The following CNTNAP2 variants were observed in gnomAD, a reference collection of about 807,000 sequenced individuals.
The protein encoded by CNTNAP2 is contactin associated protein 2.
In CNTNAP2, 98 loss-of-function variants were observed where a neutral mutation model predicts 155.2. That is an observed-to-expected ratio of 0.63 (90% CI 0.54 to 0.75). The LOEUF (loss-of-function observed/expected upper bound fraction) is 0.75. Among genes scored for constraint, CNTNAP2 ranks in the 30% least tolerant of loss-of-function variants. The pLI, the probability that CNTNAP2 is intolerant of heterozygous loss-of-function variation, is 0.00. For missense variants in CNTNAP2, 1,727 were observed against 1,688.1 expected (o/e 1.02, Z -0.40); for synonymous variants, 651 against 631.2 (o/e 1.03, Z -0.47).
intron 1 of CNTNAP2, among the ~76,000 whole-genome samples, chr7:146,136,765 A>G (rs1797803941): frequency 6.6e-6 from 1 of 152,132 alleles, no homozygotes; most frequent in African/African-American, 2.4e-5. Flanking sequence ...ACTCACACTC[A>G]TTTAGGCTCT....
intron 1 of CNTNAP2, among the ~76,000 whole-genome samples, chr7:146,408,565 T>C (rs1795824281): frequency 7.3e-6 from 1 of 137,168 alleles, no homozygotes; most frequent in East Asian, 2.2e-4. Flanking sequence ...TAGGTGGCAA[T>C]TGAACAATGA....
At chr7:147,828,201 A>G (rs144136510) in intron 13 of CNTNAP2, among the ~76,000 whole-genome samples, 1,721 of 152,296 alleles carry the variant, frequency 0.011, 92 homozygotes, top group Admixed American at 0.09. Flanking sequence ...GTTCACTGCT[A>G]CTTACTATCT....
At chr7:147,416,914 C>T (rs1401619555) in intron 10 of CNTNAP2, among the ~76,000 whole-genome samples, 1 of 151,912 alleles carries the variant, frequency 6.6e-6, no homozygotes, top group African/African-American at 2.4e-5. Context: ...CATGGTGAAA[C>T]CCCATCTCTA....
intron 1 of CNTNAP2, among the ~76,000 whole-genome samples, chr7:146,475,172 T>C (rs1461188466): frequency 6.6e-6 from 1 of 152,256 alleles, no homozygotes; most frequent in African/African-American, 2.4e-5. Flanking sequence ...ATAACAAATT[T>C]ACATGATGAT....
In CNTNAP2 at chr7:146,765,090, A is replaced by G. The variant is rs540850972; in HGVS notation, c.98-9181A>G. ...GAAAATATTATATTAGGAACACCAA[A>G]GTCTTATGTTCTTTTTAAGACTAAA... On this transcript the variant is annotated intron_variant, in intron 1 of 23. Transcript: ENST00000361727. 2.0e-3 allele frequency among the ~76,000 whole-genome samples: 301 copies of G among 152,300 alleles called. 1 individual carries two copies. The highest frequency in any genetic ancestry group is 7.0e-3 in the African/African-American group (292 of 41,586).
intron 1 of CNTNAP2, among the ~76,000 whole-genome samples, chr7:146,386,354 A>C (rs1795461787): frequency 6.6e-6 from 1 of 152,134 alleles, no homozygotes; most frequent in South Asian, 2.1e-4. Context: ...GGAATACTGT[A>C]ACTTCACATT....
At chr7:147,815,842 G>C (rs555205208) in intron 13 of CNTNAP2, among the ~76,000 whole-genome samples, 2 of 152,166 alleles carry the variant, frequency 1.3e-5, no homozygotes, top group Admixed American at 1.3e-4. Context: ...AGGGCTCCGC[G>C]GGCTGCCTGT....
intron 1 of CNTNAP2, among the ~76,000 whole-genome samples, chr7:146,253,255 G>GT (rs1323465347): frequency 6.6e-6 from 1 of 152,038 alleles, no homozygotes; most frequent in Non-Finnish European, 1.5e-5. Context: ...TTCTCCACTT[G>GT]GAATGGCTTT....
intron 1 of CNTNAP2, among the ~76,000 whole-genome samples, chr7:146,131,505 T>C (rs1361778673): frequency 6.6e-6 from 1 of 152,228 alleles, no homozygotes; most frequent in Non-Finnish European, 1.5e-5. Context: ...CTTATTACAT[T>C]TGTGACTTCC....
chr7:147,415,392 A>G (rs1230408151), intron 10 of CNTNAP2, among the ~76,000 whole-genome samples: 2 of 152,184 alleles, frequency 1.3e-5, no homozygotes, highest in East Asian at 3.8e-4. Context: ...GTGTCAAGGG[A>G]GAGACCAGGT....
chr7:147,431,491 CT>C (rs1797465630), intron 10 of CNTNAP2, among the ~76,000 whole-genome samples: 1 of 152,164 alleles, frequency 6.6e-6, no homozygotes, highest in Non-Finnish European at 1.5e-5. Context: ...ACATGTGCCC[CT>C]ACAACCTCTG....
chr7:146,264,733 T>C (rs957633282), intron 1 of CNTNAP2, among the ~76,000 whole-genome samples: 2 of 152,226 alleles, frequency 1.3e-5, no homozygotes, highest in South Asian at 2.1e-4. Context: ...GGAGTTGAAA[T>C]GCCAGAGGTG....
chr7:146,175,124 T>A (rs1798451354), intron 1 of CNTNAP2, among the ~76,000 whole-genome samples: 1 of 152,090 alleles, frequency 6.6e-6, no homozygotes, highest in Non-Finnish European at 1.5e-5. Context: ...AGTATCCAGA[T>A]TGTTAAGGAA....
At chr7:147,204,466 T>A in intron 8 of CNTNAP2, among the ~76,000 whole-genome samples, 1 of 152,070 alleles carries the variant, frequency 6.6e-6, no homozygotes, top group Non-Finnish European at 1.5e-5. Context: ...AATAAACTTA[T>A]CTTAATAAGC....
intron 1 of CNTNAP2, among the ~76,000 whole-genome samples, chr7:146,589,645 G>A (rs556643099): frequency 4.6e-5 from 7 of 152,102 alleles, no homozygotes; most frequent in African/African-American, 1.7e-4. Flanking sequence ...AATACCTAAT[G>A]CAGATGATGG....
In CNTNAP2 at chr7:146,327,147, CA is replaced by C. The variant is rs376513901; in HGVS notation, c.97+210176del. On this transcript the variant is annotated intron_variant, in intron 1 of 23. Coordinates refer to ENST00000361727, the MANE Select transcript of CNTNAP2 (RefSeq NM_014141.6). ...CACTAATTCCCTAAACTTAATTATT[CA>C]AGGGTATTTGAAGAAAAAAAAGAAG... Among the ~76,000 whole-genome samples, 229 of 151,922 alleles carry C rather than the reference CA, an allele frequency of 1.5e-3. 1 individual carries two copies. The highest frequency in any genetic ancestry group is 5.1e-3 in the African/African-American group (212 of 41,402).
chr7:146,900,468 C>A (rs1795970881), intron 3 of CNTNAP2, among the ~76,000 whole-genome samples: 1 of 152,190 alleles, frequency 6.6e-6, no homozygotes, highest in Non-Finnish European at 1.5e-5. Context: ...AGCTTCACCC[C>A]ATCCCCAACT....
intron 9 of CNTNAP2, among the ~76,000 whole-genome samples, chr7:147,311,785 G>A (rs2116797038): frequency 6.6e-6 from 1 of 152,174 alleles, no homozygotes; most frequent in Non-Finnish European, 1.5e-5. Flanking sequence ...TAGAGGAGAT[G>A]AATTTAGCAT....
At chr7:147,109,876 T>C (rs1161520458) in intron 5 of CNTNAP2, among the ~76,000 whole-genome samples, 1 of 151,024 alleles carries the variant, frequency 6.6e-6, no homozygotes, top group Non-Finnish European at 1.5e-5. Flanking sequence ...TACTGTTTTA[T>C]GTGGGGTTGT....
Sources: gnomAD v4.1 joint callset for allele counts (sites outside exome capture counted in the v4.1 genomes callset) on GRCh38, gnomAD v4.1.1 for gene constraint, MANE v1.5 for transcripts, NCBI Gene and HGNC (gene_info 2026-07-23, HGNC 2026-07-21) for gene names.